Variants in SUFU observed in about 807,000 individuals in gnomAD.
SUFU encodes the protein suppressor of fused homolog.
In SUFU, 7 loss-of-function variants were observed where a neutral mutation model predicts 58.9. The ratio of observed to expected loss-of-function variants is 0.12; its 90% CI spans 0.07 to 0.22. The LOEUF is 0.22. SUFU is among the 10% of genes least tolerant of loss of function. The pLI, the probability that SUFU is intolerant of heterozygous loss-of-function variation, is 1.00. For synonymous variants in SUFU, 232 were observed against 254.8 expected (o/e 0.91, Z 0.85); for missense variants, 451 against 641.3 (o/e 0.70, Z 3.20).
intron 3 of SUFU, among the ~76,000 whole-genome samples, chr10:102,583,064 G>C (rs1006508309): frequency 6.6e-6 from 1 of 152,156 alleles, no homozygotes; most frequent in Non-Finnish European, 1.5e-5. Context: ...GCTTCCCAGG[G>C]TGGGCGCAGG....
intron 3 of SUFU, among the ~76,000 whole-genome samples, chr10:102,572,543 C>A (rs909949405): frequency 2.0e-5 from 3 of 151,944 alleles, no homozygotes; most frequent in Non-Finnish European, 4.4e-5. Flanking sequence ...GCACCTGCCA[C>A]CACACCCGGC....
At chr10:102,546,103 C>T (rs2135734366) in intron 2 of SUFU, among the ~76,000 whole-genome samples, 1 of 152,294 alleles carries the variant, frequency 6.6e-6, no homozygotes, top group South Asian at 2.1e-4. Context: ...TTCTGATGGT[C>T]AGGCTGTTGT....
chr10:102,544,529 T>C (rs2062834301), intron 2 of SUFU, among the ~76,000 whole-genome samples: 1 of 152,080 alleles, frequency 6.6e-6, no homozygotes, highest in African/African-American at 2.4e-5. Context: ...GGTGAAACCC[T>C]ATTTCTAGTA....
chr10:102,565,584 G>A (rs2063079154), intron 3 of SUFU, among the ~76,000 whole-genome samples: 1 of 152,152 alleles, frequency 6.6e-6, no homozygotes, highest in Non-Finnish European at 1.5e-5. Flanking sequence ...TCGCTCTGTC[G>A]CCCAGGCTGG....
At chr10:102,604,252 T>C (rs1241697202) in intron 8 of SUFU, among the ~76,000 whole-genome samples, 1 of 152,238 alleles carries the variant, frequency 6.6e-6, no homozygotes, top group Non-Finnish European at 1.5e-5. Flanking sequence ...GCTCCCTGCG[T>C]CCTGGACAGC....
chr10:102,630,827 G>A lies in SUFU; in HGVS notation c.*672G>A. 4.2e-6 allele frequency: 1 copy of A among 238,314 alleles called. No homozygotes were observed. The highest frequency in any genetic ancestry group is 8.3e-6 in the Non-Finnish European group (1 of 121,058). 14.8% of individuals were successfully genotyped at this position (238,314 alleles called of 1,614,324 possible). A position where few individuals can be genotyped will look rare whatever the true frequency, so the allele number is the denominator to read the frequency against. On this transcript the variant is annotated 3_prime_UTR_variant, in exon 12 of 12. Transcript: ENST00000369902. Reference sequence around the variant, plus strand: ...GCTGCCACCAGAGAAGGTGCTTGGTGTTCGCCTGCCAGCCCAGAGCCCTGG... The same window carrying A: ...GCTGCCACCAGAGAAGGTGCTTGGTATTCGCCTGCCAGCCCAGAGCCCTGG...
chr10:102,546,417 G>A (rs971484568), intron 2 of SUFU, among the ~76,000 whole-genome samples: 10 of 152,198 alleles, frequency 6.6e-5, no homozygotes, highest in South Asian at 2.1e-4. Flanking sequence ...CCACCAGCCA[G>A]TATTTTAGTA....
chr10:102,590,160 C>CT (rs1287182435), intron 3 of SUFU, among the ~76,000 whole-genome samples: 525 of 46,486 alleles, frequency 0.011, 28 homozygotes, highest in African/African-American at 0.044. Context: ...TTTCTTTTTT[C>CT]TTTTTTTTTT....
chr10:102,550,956 C>G (rs938310073), intron 3 of SUFU, among the ~76,000 whole-genome samples: 3 of 152,054 alleles, frequency 2.0e-5, no homozygotes, highest in Admixed American at 2.0e-4. Context: ...GTTGGTCAGG[C>G]TGCTATCGAA....
intron 2 of SUFU, among the ~76,000 whole-genome samples, chr10:102,538,794 G>A (rs1414059354): frequency 1.3e-5 from 2 of 152,140 alleles, no homozygotes; most frequent in Non-Finnish European, 2.9e-5. Flanking sequence ...GATAAGAAGA[G>A]AAGTAAACTC....
At chr10:102,561,348 A>G (rs557336143) in intron 3 of SUFU, among the ~76,000 whole-genome samples, 1 of 152,280 alleles carries the variant, frequency 6.6e-6, no homozygotes, top group Admixed American at 6.5e-5. Flanking sequence ...TAGAAGGATC[A>G]TTATATAAAA....
intron 10 of SUFU, among the ~76,000 whole-genome samples, chr10:102,620,001 CA>C (rs2063726635): frequency 6.6e-6 from 1 of 152,222 alleles, no homozygotes; most frequent in Non-Finnish European, 1.5e-5. Flanking sequence ...CTCGCACCCC[CA>C]GGGTTCCGAG....
chr10:102,526,350 C>T (rs1457071030), intron 2 of SUFU, among the ~76,000 whole-genome samples: 2 of 151,928 alleles, frequency 1.3e-5, no homozygotes, highest in Non-Finnish European at 2.9e-5. Context: ...GCCAGGAGTT[C>T]GAGAGCAGCC....
intron 2 of SUFU, among the ~76,000 whole-genome samples, chr10:102,539,274 C>T (rs1027668593): frequency 6.6e-6 from 1 of 152,072 alleles, no homozygotes; most frequent in African/African-American, 2.4e-5. Context: ...ATAGAATGTC[C>T]TTCAATTTGG....
chr10:102,592,288 T>C (rs1482031995), intron 3 of SUFU, among the ~76,000 whole-genome samples: 1 of 152,204 alleles, frequency 6.6e-6, no homozygotes, highest in Non-Finnish European at 1.5e-5. Context: ...GTCGGGATAT[T>C]GGGGAAGCGA....
At chr10:102,582,445 T>C (rs1004579457) in intron 3 of SUFU, among the ~76,000 whole-genome samples, 2 of 152,144 alleles carry the variant, frequency 1.3e-5, no homozygotes, top group Non-Finnish European at 2.9e-5. Flanking sequence ...TAACTTATTA[T>C]ATCCGGGACA....
chr10:102,517,522 T>C (rs1219783063), intron 2 of SUFU, among the ~76,000 whole-genome samples: 2 of 152,184 alleles, frequency 1.3e-5, no homozygotes, highest in Admixed American at 6.5e-5. Context: ...TGTGCTGTTA[T>C]CTATTTTGAA....
chr10:102,615,378 G>C lies in SUFU; in HGVS notation c.1133G>C (p.Gly378Ala), dbSNP rs1254002019. The C allele has an allele frequency of 1.9e-6, 3 of 1,613,904 alleles. No individual in the cohort carries two copies. The African/African-American group carries it at 4.0e-5, about 22-fold the overall frequency. Residue 378 changes from glycine (G) to alanine (A), a missense_variant, in exon 9 of 12, where the codon GGA (glycine) becomes GCA (alanine). Transcript: ENST00000369902. ...CATCTGAAATTCAACCAGGAGTCCGGAGCCCTCATTCCTCTCTGCCTAAGG... is the reference window on the plus strand; with the variant it reads ...CATCTGAAATTCAACCAGGAGTCCGCAGCCCTCATTCCTCTCTGCCTAAGG... Reference protein sequence around the residue: ...SVHLKFNQESGALIPLCLRGR... With the variant: ...SVHLKFNQESAALIPLCLRGR...
rs1257349843 is a variant in SUFU, at chr10:102,630,820, G to A, written c.*665G>A. 8.4e-6 allele frequency: 2 copies of A among 238,432 alleles called. No homozygotes were observed. Among genetic ancestry groups the A allele is most frequent in the African/African-American group, 4.4e-5 (2 of 45,346 alleles). 14.8% of individuals were successfully genotyped at this position (238,432 alleles called of 1,614,324 possible). ...TCCCTGGGCTGCCACCAGAGAAGGT[G>A]CTTGGTGTTCGCCTGCCAGCCCAGA... is the stretch of plus-strand genomic sequence containing the variant. On this transcript the variant is annotated 3_prime_UTR_variant, in exon 12 of 12. Transcript: ENST00000369902.
Sources: allele counts gnomAD v4.1 joint callset (sites outside exome capture counted in the v4.1 genomes callset), GRCh38; gene constraint gnomAD v4.1.1; transcripts MANE v1.5; gene names NCBI Gene and HGNC (gene_info 2026-07-23, HGNC 2026-07-21).